The following TENM2 variants were observed in gnomAD, a reference collection of about 807,000 sequenced individuals.
TENM2 encodes the protein teneurin transmembrane protein 2, also known as teneurin-2.
A neutral mutation model predicts 245.2 loss-of-function variants in TENM2; 52 were observed. The ratio of observed to expected loss-of-function variants is 0.21; its 90% CI spans 0.17 to 0.27. The LOEUF is 0.27. TENM2 is among the 10% of genes least tolerant of loss of function. The pLI is 1.00. For missense variants in TENM2, 3,046 were observed against 3,666.8 expected, an observed-to-expected ratio of 0.83 and a Z score of 4.37; for synonymous variants, 1,363 against 1,438.9, an observed-to-expected ratio of 0.95 and a Z score of 1.19.
chr5:168,232,819 T>C (rs1034257338), intron 25 of TENM2, among the ~76,000 whole-genome samples: 2 of 152,136 alleles, frequency 1.3e-5, no homozygotes, highest in African/African-American at 4.8e-5. Context: ...CCTGGGGAAA[T>C]GTAAGATGAT....
chr5:167,461,609 C>G (rs1012843688), intron 2 of TENM2, among the ~76,000 whole-genome samples: 11 of 152,294 alleles, frequency 7.2e-5, no homozygotes, highest in Non-Finnish European at 1.5e-4. Flanking sequence ...AACATATCTA[C>G]ATAGATGGAC....
chr5:167,589,336 A>G (rs1775722648), intron 2 of TENM2, among the ~76,000 whole-genome samples: 1 of 152,214 alleles, frequency 6.6e-6, no homozygotes. Context: ...AAATTATTTA[A>G]CAATAGTTGA....
intron 2 of TENM2, among the ~76,000 whole-genome samples, chr5:167,731,434 T>C (rs1760429770): frequency 6.6e-6 from 1 of 152,120 alleles, no homozygotes; most frequent in South Asian, 2.1e-4. Flanking sequence ...ACCAGGTCAT[T>C]CTTTGATCTT....
chr5:167,129,611 C>T, the TENM2 span, among the ~76,000 whole-genome samples: 1 of 152,146 alleles, frequency 6.6e-6, no homozygotes, highest in East Asian at 1.9e-4. Context: ...CCTTTGTTTC[C>T]TTACCTGTCA....
chr5:168,077,787 A>G (rs367932266), intron 7 of TENM2, among the ~76,000 whole-genome samples: 3 of 152,134 alleles, frequency 2.0e-5, no homozygotes, highest in African/African-American at 7.2e-5. Context: ...ATAGTATTCC[A>G]TGGTGTATAT....
At chr5:167,061,504 G>A in the TENM2 span, among the ~76,000 whole-genome samples, 2 of 152,164 alleles carry the variant, frequency 1.3e-5, no homozygotes, top group Non-Finnish European at 2.9e-5. Context: ...CTATGCTCAA[G>A]GGTTGATGAA....
At chr5:167,505,576 A>G (rs1393175603) in intron 2 of TENM2, among the ~76,000 whole-genome samples, 1 of 152,218 alleles carries the variant, frequency 6.6e-6, no homozygotes, top group Admixed American at 6.5e-5. Context: ...TTGTTTTAAA[A>G]TACTCAATTT....
At chr5:167,540,692 G>A (rs553688314) in intron 2 of TENM2, among the ~76,000 whole-genome samples, 3 of 152,242 alleles carry the variant, frequency 2.0e-5, no homozygotes, top group South Asian at 4.2e-4. Context: ...AGCAGCTTTG[G>A]GAGTCAGGTA....
At chr5:167,307,482 A>G (rs565419763) in intron 1 of TENM2, among the ~76,000 whole-genome samples, 6 of 152,286 alleles carry the variant, frequency 3.9e-5, no homozygotes, top group African/African-American at 1.4e-4. Context: ...GGAAACTCTC[A>G]AAAATGCCAC....
At chr5:168,263,051 GAACA>G (rs1421826423), downstream of TENM2, 6 of 473,086 alleles carry the variant, frequency 1.3e-5, no homozygotes, top group Non-Finnish European at 2.2e-5. Context: ...ACGAATGAAT[GAACA>G]GACACACACA....
At chr5:167,793,992 A>G (rs770061564) in intron 2 of TENM2, among the ~76,000 whole-genome samples, 2 of 151,808 alleles carry the variant, frequency 1.3e-5, no homozygotes, top group African/African-American at 4.8e-5. Context: ...AAAAATGTTA[A>G]TAAGCCCCAA....
At chr5:167,145,901 T>G in the TENM2 span, among the ~76,000 whole-genome samples, 1 of 152,184 alleles carries the variant, frequency 6.6e-6, no homozygotes, top group South Asian at 2.1e-4. Context: ...CTCGTTCACC[T>G]ATTATGATGA....
chr5:168,236,969 TATATATATATATATATATATATATATA>T (rs1562318844), intron 25 of TENM2, among the ~76,000 whole-genome samples: 132 of 7,162 alleles, frequency 0.018, 18 homozygotes, highest in Non-Finnish European at 0.024. Flanking sequence ...TATATATATA[TATATATATATATATATATATATATATA>T]TATATTTTTT....
chr5:167,184,716 G>A, the TENM2 span, among the ~76,000 whole-genome samples: 1 of 152,066 alleles, frequency 6.6e-6, no homozygotes, highest in South Asian at 2.1e-4. Context: ...CATCCCATCT[G>A]TGCTGCCTGA....
At chr5:167,330,456 A>G (rs1216023310) in intron 1 of TENM2, among the ~76,000 whole-genome samples, 3 of 152,130 alleles carry the variant, frequency 2.0e-5, no homozygotes, top group African/African-American at 7.2e-5. Flanking sequence ...GAAGTAGAAG[A>G]CTTGTAGCAG....
At chr5:167,039,614 C>CAAA in the TENM2 span, among the ~76,000 whole-genome samples, 89,888 of 150,332 alleles carry the variant, frequency 0.6, 28,057 homozygotes, top group African/African-American at 0.8. Flanking sequence ...TGTCAATTAA[C>CAAA]AAAAAAAAAT....
chr5:167,693,056 C>A (rs371207511), intron 2 of TENM2, among the ~76,000 whole-genome samples: 3 of 152,174 alleles, frequency 2.0e-5, no homozygotes, highest in Non-Finnish European at 2.9e-5. Flanking sequence ...ATAGCCTTTG[C>A]GAGAGCCTCG....
the TENM2 span, among the ~76,000 whole-genome samples, chr5:167,112,819 T>A: frequency 6.6e-5 from 10 of 152,154 alleles, no homozygotes; most frequent in African/African-American, 2.4e-4. Context: ...TATTGGAAAA[T>A]TCACAGTATG....
chr5:167,642,073 G>T (rs942894047), intron 2 of TENM2, among the ~76,000 whole-genome samples: 1 of 151,134 alleles, frequency 6.6e-6, no homozygotes, highest in African/African-American at 2.4e-5. Flanking sequence ...CCCAGGAGGC[G>T]GAGGTTGCAG....
Sources: allele counts gnomAD v4.1 joint callset (sites outside exome capture counted in the v4.1 genomes callset), GRCh38; gene constraint gnomAD v4.1.1; transcripts MANE v1.5; gene names NCBI Gene and HGNC (gene_info 2026-07-23, HGNC 2026-07-21).